The following WDR7 variants were observed in gnomAD, a reference collection of about 807,000 sequenced individuals.
WDR7 encodes the protein WD repeat-containing protein 7.
A neutral mutation model predicts 169.4 loss-of-function variants in WDR7; 46 were observed. That is an observed-to-expected ratio of 0.27 (90% CI 0.21 to 0.35). The LOEUF is 0.35. Ranked by LOEUF, WDR7 falls within the 10% of genes least tolerant of loss-of-function variation. WDR7 has a pLI of 1.00. For missense variants in WDR7, 1,534 were observed against 1,859.3 expected (o/e 0.83, Z 3.22); for synonymous variants, 612 against 666.8 (o/e 0.92, Z 1.27).
intron 24 of WDR7, 28 bp from the exon 25 acceptor site, chr18:56,939,283 A>G (rs768472781): frequency 1.3e-6 from 2 of 1,497,854 alleles, no homozygotes; most frequent in East Asian, 2.4e-5. Flanking sequence ...TTTGAAATTA[A>G]TTTTAAATCT....
chr18:56,683,014 A>T (rs1039796158), intron 5 of WDR7, among the ~76,000 whole-genome samples, 161 bp downstream of exon 5: 4 of 152,236 alleles, frequency 2.6e-5, no homozygotes, highest in African/African-American at 9.6e-5. Flanking sequence ...CTTCATAAAG[A>T]AATCTTTGAT....
In WDR7 at chr18:56,691,823, A is replaced by G. The variant is rs375507865; in HGVS notation, c.966+6A>G. On this transcript the variant is annotated splice_donor_region_variant and intron_variant, in intron 9 of 27. Transcript: ENST00000254442. ...TGGATCGAAAAGATAAAGAGGTAAA[A>G]TTCTTGAGGTGTCATTTATAATTGA... 53 of 1,597,536 alleles carry G rather than the reference A, an allele frequency of 3.3e-5. No individual in the cohort carries two copies. The Middle Eastern group carries it at 1.5e-3, about 46-fold the overall frequency.
chr18:57,021,315 A>G (rs1409246635), intron 27 of WDR7, among the ~76,000 whole-genome samples: 1 of 152,140 alleles, frequency 6.6e-6, no homozygotes, highest in Non-Finnish European at 1.5e-5. Flanking sequence ...GCCTGAGAGG[A>G]ATCGGGCAGG....
At chr18:56,852,164 T>C (rs1400240740) in intron 20 of WDR7, among the ~76,000 whole-genome samples, 1 of 152,114 alleles carries the variant, frequency 6.6e-6, no homozygotes. Flanking sequence ...TAGAAAAACG[T>C]GTTTTAAGGC....
chr18:56,690,814 CAAG>C (rs1233411767), intron 7 of WDR7, among the ~76,000 whole-genome samples: 2 of 25,400 alleles, frequency 7.9e-5, no homozygotes, highest in African/African-American at 1.0e-4. Context: ...GACTTTGTCT[CAAG>C]AAAAAAAAAA....
chr18:57,006,630 C>T (rs1599240005), intron 26 of WDR7, among the ~76,000 whole-genome samples: 1 of 152,172 alleles, frequency 6.6e-6, no homozygotes, highest in South Asian at 2.1e-4. Context: ...AGGATATTCA[C>T]TTTCCCTTTC....
In WDR7 at chr18:56,843,522, G is replaced by C. The variant is rs140484575; in HGVS notation, c.3304+27378G>C. ...GTGGCTTTAAGGTTTATCCATGTTAGAGCTTGTGTCAGGAGCTTACAATTG... is the reference window on the plus strand; with the variant it reads ...GTGGCTTTAAGGTTTATCCATGTTACAGCTTGTGTCAGGAGCTTACAATTG... On this transcript the variant is annotated intron_variant, in intron 20 of 27. Coordinates refer to ENST00000254442, the MANE Select transcript of WDR7 (RefSeq NM_015285.3). 1.4e-3 allele frequency among the ~76,000 whole-genome samples: 213 copies of C among 152,320 alleles called. 1 individual carries two copies. The highest frequency in any genetic ancestry group is 5.0e-3 in the African/African-American group (206 of 41,576).
intron 26 of WDR7, among the ~76,000 whole-genome samples, chr18:57,014,606 G>A (rs541757914): frequency 8.6e-5 from 13 of 151,966 alleles, no homozygotes; most frequent in East Asian, 1.9e-4. Context: ...GCAGTGAGCC[G>A]AGATCGCGCC....
In WDR7 at chr18:56,983,926, C is replaced by G. The variant is rs138458431; in HGVS notation, c.4164+21397C>G. Among the ~76,000 whole-genome samples, 375 of 152,050 alleles carry G rather than the reference C, an allele frequency of 2.5e-3. 1 individual carries two copies. The highest frequency in any genetic ancestry group is 8.6e-3 in the African/African-American group (359 of 41,524). ...CCATTTTACACAATTGCAGTTTTTT[C>G]TTTTTTCATTTCTTTTAAATATTGT... On this transcript the variant is annotated intron_variant, in intron 26 of 27. Coordinates refer to ENST00000254442, the MANE Select transcript of WDR7 (RefSeq NM_015285.3).
At chr18:56,967,855 T>G (rs1251710637) in intron 26 of WDR7, among the ~76,000 whole-genome samples, 1 of 152,210 alleles carries the variant, frequency 6.6e-6, no homozygotes, top group African/African-American at 2.4e-5. Flanking sequence ...TCTAGATTAC[T>G]TGTAACATCT....
At chr18:57,005,178 T>TA (rs1290036950) in intron 26 of WDR7, among the ~76,000 whole-genome samples, 7 of 152,224 alleles carry the variant, frequency 4.6e-5, no homozygotes, top group Admixed American at 1.3e-4. Context: ...ATAAAACTAT[T>TA]ATCATATTAT....
At chr18:56,797,507 C>A (rs1324256468) in intron 19 of WDR7, among the ~76,000 whole-genome samples, 1 of 150,888 alleles carries the variant, frequency 6.6e-6, no homozygotes, top group Non-Finnish European at 1.5e-5. Context: ...ATTTATATAC[C>A]ATTTTATATT....
chr18:57,020,750 C>T lies in WDR7; in HGVS notation c.4170C>T (p.Ile1390=). 5.0e-6 allele frequency: 8 copies of T among 1,613,982 alleles called. No homozygotes were observed. The highest frequency in any genetic ancestry group is 2.2e-5 in the East Asian group (1 of 44,884). Reference sequence around the variant, plus strand: ...ATATCTGAATTTTATTTTAGACAATCCATGGACACAAGGGACCAATCACTG... The same window carrying T: ...ATATCTGAATTTTATTTTAGACAATTCATGGACACAAGGGACCAATCACTG... The part of the protein sequence containing the change: ...YDIRTGKCQT[I]HGHKGPITAV... The change falls in exon 27 of 28, where the codon ATC becomes ATT. Residue 1390 remains isoleucine (I), a synonymous_variant. Transcript: ENST00000254442.
intron 14 of WDR7, among the ~76,000 whole-genome samples, chr18:56,753,008 G>A (rs2043820145): frequency 6.6e-6 from 1 of 152,150 alleles, no homozygotes; most frequent in Non-Finnish European, 1.5e-5. Context: ...AACTTGGAAG[G>A]GTAAGCAGCA....
chr18:56,793,051 G>A (rs975556003), intron 19 of WDR7, among the ~76,000 whole-genome samples: 2 of 152,278 alleles, frequency 1.3e-5, no homozygotes. Flanking sequence ...TGCCAGCTCA[G>A]TATGTGCATT....
At chr18:56,679,255 T>G in intron 2 of WDR7, 77 bp from the exon 3 acceptor site, 1 of 1,235,126 alleles carries the variant, frequency 8.1e-7, no homozygotes, top group Non-Finnish European at 1.2e-6. Context: ...TCTATTTTAC[T>G]ATGGCTAAGC....
At chr18:56,915,335 A>C (rs1420934820) in intron 21 of WDR7, among the ~76,000 whole-genome samples, 2 of 152,200 alleles carry the variant, frequency 1.3e-5, no homozygotes, top group Non-Finnish European at 2.9e-5. Context: ...AAAAGGCTTC[A>C]TTCACTTGGT....
intron 26 of WDR7, among the ~76,000 whole-genome samples, chr18:56,990,879 C>A (rs1390842040): frequency 6.6e-6 from 1 of 152,174 alleles, no homozygotes; most frequent in Non-Finnish European, 1.5e-5. Context: ...ACCCCAGGAC[C>A]TTTGCATATG....
intron 19 of WDR7, among the ~76,000 whole-genome samples, chr18:56,797,867 G>A (rs1308282072): frequency 6.6e-6 from 1 of 152,192 alleles, no homozygotes; most frequent in African/African-American, 2.4e-5. Flanking sequence ...GAAAAGAAAT[G>A]AGATTCCATT....
Sources: allele counts gnomAD v4.1 joint callset (sites outside exome capture counted in the v4.1 genomes callset), GRCh38; gene constraint gnomAD v4.1.1; transcripts MANE v1.5; gene names NCBI Gene and HGNC (gene_info 2026-07-23, HGNC 2026-07-21).